The following GLYATL2 variants were observed in gnomAD, a reference collection of about 807,000 sequenced individuals.
GLYATL2 encodes glycine N-acyltransferase-like protein 2.
A neutral mutation model predicts 21.4 loss-of-function variants in GLYATL2; 25 were observed. The observed-to-expected ratio is 1.17, with a 90% CI of 0.85 to 1.63. GLYATL2 has a LOEUF of 1.63. Among genes scored for constraint, GLYATL2 ranks in the 40% most tolerant of loss-of-function variants. GLYATL2 has a pLI of 0.00. For synonymous variants in GLYATL2, 114 were observed against 118.2 expected (o/e 0.96, Z 0.23); for missense variants, 361 against 343.3 (o/e 1.05, Z -0.41).
chr11:58,857,406 G>A (rs1418963714), intron 1 of GLYATL2, among the ~76,000 whole-genome samples: 1 of 152,190 alleles, frequency 6.6e-6, no homozygotes, highest in Non-Finnish European at 1.5e-5. Flanking sequence ...TTCCCTGGGT[G>A]ATTCTGGGAC....
At chr11:58,861,206 G>A (rs1590729764) in intron 1 of GLYATL2, among the ~76,000 whole-genome samples, 1 of 151,962 alleles carries the variant, frequency 6.6e-6, no homozygotes, top group South Asian at 2.1e-4. Flanking sequence ...ATTCAGCAGT[G>A]AAGCCATAAG....
upstream of GLYATL2, chr11:58,907,572 T>A: frequency 2.8e-6 from 1 of 354,396 alleles, no homozygotes; most frequent in Non-Finnish European, 5.5e-6. Context: ...ACTTTTAATG[T>A]TCCTGACTAC....
At chr11:58,853,765 G>T (rs1853781540) in intron 1 of GLYATL2, among the ~76,000 whole-genome samples, 1 of 151,978 alleles carries the variant, frequency 6.6e-6, no homozygotes, top group Admixed American at 6.6e-5. Flanking sequence ...TTGTAAAATG[G>T]CACAATAGAG....
chr11:58,836,440 T>A (rs1408831367), intron 5 of GLYATL2, among the ~76,000 whole-genome samples: 1 of 152,194 alleles, frequency 6.6e-6, no homozygotes, highest in Admixed American at 6.5e-5. Flanking sequence ...TTTGTTAACA[T>A]CATTTATTTA....
intron 1 of GLYATL2, among the ~76,000 whole-genome samples, chr11:58,851,015 A>G (rs1425068889): frequency 1.3e-5 from 2 of 152,060 alleles, no homozygotes; most frequent in East Asian, 3.9e-4. Context: ...CATAAGCTGT[A>G]CTCTCTCTGC....
At chr11:58,845,978 T>A (rs1203803956), upstream of GLYATL2, among the ~76,000 whole-genome samples, 1 of 151,740 alleles carries the variant, frequency 6.6e-6, no homozygotes, top group Non-Finnish European at 1.5e-5. Context: ...CTCTACTTTT[T>A]GAACCAAAAG....
chr11:58,900,798 G>A (rs1590757679), intron 1 of GLYATL2, among the ~76,000 whole-genome samples: 1 of 146,740 alleles, frequency 6.8e-6, no homozygotes, highest in Admixed American at 6.7e-5. Context: ...GGGAAGCTTG[G>A]GGGGGTGGTC....
chr11:58,909,178 AT>A (rs1291331074), upstream of GLYATL2, among the ~76,000 whole-genome samples: 1 of 152,222 alleles, frequency 6.6e-6, no homozygotes, highest in Admixed American at 6.5e-5. Context: ...ACAGATCCTA[AT>A]GAATAATAAA....
intron 1 of GLYATL2, among the ~76,000 whole-genome samples, chr11:58,877,589 A>G (rs1420655360): frequency 1.3e-5 from 2 of 152,258 alleles, no homozygotes; most frequent in Admixed American, 6.5e-5. Flanking sequence ...AAGTGAAGTT[A>G]AAGGAAAACC....
At chr11:58,853,814 T>G (rs1488925742) in intron 1 of GLYATL2, among the ~76,000 whole-genome samples, 1 of 152,202 alleles carries the variant, frequency 6.6e-6, no homozygotes, top group Non-Finnish European at 1.5e-5. Context: ...TTTAAGGTTT[T>G]GGTGAGAACA....
At chr11:58,881,999 A>G (rs539681709) in intron 1 of GLYATL2, among the ~76,000 whole-genome samples, 50 of 152,280 alleles carry the variant, frequency 3.3e-4, no homozygotes, top group African/African-American at 1.2e-3. Flanking sequence ...ATTTGGGTTG[A>G]TTCCAAGTCT....
In GLYATL2 at chr11:58,838,548, G is replaced by A. The variant is rs559341331; in HGVS notation, c.79-180C>T. 9.9e-5 allele frequency among the ~76,000 whole-genome samples: 15 copies of A among 152,172 alleles called. No homozygotes were observed. The South Asian group carries it at 2.7e-3, about 27-fold the overall frequency. Reference sequence around the variant, plus strand: ...CTCATTGAGAGTTATGCTGCTAGACGGCCCAAAAAGCATCCACAAAAATCC... The same window carrying A: ...CTCATTGAGAGTTATGCTGCTAGACAGCCCAAAAAGCATCCACAAAAATCC... On this transcript the variant is annotated intron_variant, in intron 2 of 5. Coordinates refer to ENST00000287275, the MANE Select transcript of GLYATL2 (RefSeq NM_145016.4).
chr11:58,851,074 C>T (rs1853732919), intron 1 of GLYATL2, among the ~76,000 whole-genome samples: 1 of 152,174 alleles, frequency 6.6e-6, no homozygotes, highest in Admixed American at 6.5e-5. Flanking sequence ...ACACGTGACT[C>T]ACGTGACCTT....
intron 1 of GLYATL2, chr11:58,840,971 T>C (rs1853540342): frequency 6.6e-6 from 1 of 151,896 alleles, no homozygotes; most frequent in African/African-American, 2.4e-5. Flanking sequence ...AAAGTCTTTC[T>C]GAAACAAAGT....
chr11:58,883,204 A>T (rs1854372804), intron 1 of GLYATL2, among the ~76,000 whole-genome samples: 2 of 152,202 alleles, frequency 1.3e-5, no homozygotes, highest in Non-Finnish European at 2.9e-5. Context: ...ATGTTCTTCC[A>T]TTAGTTTGTG....
intron 1 of GLYATL2, among the ~76,000 whole-genome samples, chr11:58,860,864 T>C (rs2134594379): frequency 6.6e-6 from 1 of 152,194 alleles, no homozygotes; most frequent in Non-Finnish European, 1.5e-5. Flanking sequence ...GATCATTGGA[T>C]TTTGTTTTTT....
intron 1 of GLYATL2, among the ~76,000 whole-genome samples, chr11:58,874,751 A>C (rs1417641362): frequency 6.6e-6 from 1 of 152,210 alleles, no homozygotes; most frequent in Non-Finnish European, 1.5e-5. Flanking sequence ...GGTGCTGAAA[A>C]GAATGTATAT....
intron 1 of GLYATL2, among the ~76,000 whole-genome samples, chr11:58,843,047 T>C (rs1853581327): frequency 6.6e-6 from 1 of 152,348 alleles, no homozygotes; most frequent in African/African-American, 2.4e-5. Flanking sequence ...CTCTTCTTTA[T>C]ACTAATTAGC....
chr11:58,882,015 A>G (rs1031092575), intron 1 of GLYATL2, among the ~76,000 whole-genome samples: 1 of 152,194 alleles, frequency 6.6e-6, no homozygotes, highest in Non-Finnish European at 1.5e-5. Flanking sequence ...AGTCTTTGCT[A>G]TTGTGAATAG....
Sources: allele counts gnomAD v4.1 joint callset (sites outside exome capture counted in the v4.1 genomes callset), GRCh38; gene constraint gnomAD v4.1.1; transcripts MANE v1.5; gene names NCBI Gene and HGNC (gene_info 2026-07-23, HGNC 2026-07-21).